The following GUCY2C variants were observed in gnomAD, a reference collection of about 807,000 sequenced individuals.
GUCY2C encodes guanylyl cyclase C.
In GUCY2C, 118 loss-of-function variants were observed where a neutral mutation model predicts 131.1. The ratio of observed to expected loss-of-function variants is 0.90; its 90% CI spans 0.78 to 1.05. The LOEUF (loss-of-function observed/expected upper bound fraction) is 1.05. GUCY2C is among the 50% of genes least tolerant of loss of function. The pLI is 0.00. For synonymous variants in GUCY2C, 452 were observed against 457.8 expected, an observed-to-expected ratio of 0.99 and a Z score of 0.16; for missense variants, 1,161 against 1,304.4, an observed-to-expected ratio of 0.89 and a Z score of 1.69.
chr12:14,633,602 T>G (rs1947199725), intron 19 of GUCY2C, among the ~76,000 whole-genome samples: 1 of 151,042 alleles, frequency 6.6e-6, no homozygotes, highest in Non-Finnish European at 1.5e-5. Flanking sequence ...GAAAAATAAT[T>G]AAAAATAATA....
chr12:14,680,411 T>A (rs1948326332), intron 5 of GUCY2C, among the ~76,000 whole-genome samples: 1 of 152,196 alleles, frequency 6.6e-6, no homozygotes, highest in Non-Finnish European at 1.5e-5. Context: ...AATTGTAAAC[T>A]CTTTAGGGAC....
At chr12:14,650,892 G>T (rs1178188576) in intron 15 of GUCY2C, among the ~76,000 whole-genome samples, 1 of 152,004 alleles carries the variant, frequency 6.6e-6, no homozygotes, top group Non-Finnish European at 1.5e-5. Flanking sequence ...AGTTTATACC[G>T]CATAGTATGA....
intron 16 of GUCY2C, among the ~76,000 whole-genome samples, chr12:14,644,932 T>C (rs954602427): frequency 1.3e-5 from 2 of 152,060 alleles, no homozygotes; most frequent in African/African-American, 4.8e-5. Context: ...TAGTTTTATA[T>C]GATTTTGATT....
Position 14,621,990 on chromosome 12 carries a change from A to G in GUCY2C, c.2601+15T>C. The G allele has an allele frequency of 6.4e-7, 1 of 1,557,432 alleles. No homozygotes were observed. Among genetic ancestry groups the G allele is most frequent in the East Asian group, 2.3e-5 (1 of 42,796 alleles). Reference sequence around the variant, plus strand: ...GTACAATTAATGGTTTCAGCCTGTTAGGTGATGTGGTTACCTTGTAGACAT... The same window carrying G: ...GTACAATTAATGGTTTCAGCCTGTTGGGTGATGTGGTTACCTTGTAGACAT... On this transcript the variant is annotated intron_variant, in intron 22 of 26. Transcript: ENST00000261170.
At chr12:14,641,056 G>A in intron 18 of GUCY2C, 26 bp downstream of exon 18, 1 of 1,609,892 alleles carries the variant, frequency 6.2e-7, no homozygotes, top group South Asian at 1.1e-5. Flanking sequence ...CTCCCAGAGG[G>A]GACACATGAA....
At chr12:14,626,749 C>T (rs1017421166) in intron 20 of GUCY2C, among the ~76,000 whole-genome samples, 3 of 152,100 alleles carry the variant, frequency 2.0e-5, no homozygotes, top group South Asian at 2.1e-4. Flanking sequence ...TATTATTAAG[C>T]GAAAAAGTCA....
intron 19 of GUCY2C, among the ~76,000 whole-genome samples, chr12:14,629,413 C>T (rs766120091): frequency 6.6e-6 from 1 of 152,068 alleles, no homozygotes; most frequent in Non-Finnish European, 1.5e-5. Flanking sequence ...TACTGAGGCT[C>T]CAGGAGAAGG....
chr12:14,683,343 T>C (rs1210379902), intron 3 of GUCY2C, 86 bp from the exon 4 acceptor site: 2 of 794,326 alleles, frequency 2.5e-6, no homozygotes, highest in Non-Finnish European at 4.3e-6. Context: ...TGTTTCAGCA[T>C]GTATGTATAA....
At position 14,686,183 on chromosome 12, in the gene GUCY2C, T is replaced by A; in HGVS notation, c.373A>T (p.Thr125Ser). The change falls in exon 3 of 27, where the codon ACA becomes TCA. Residue 125 changes from threonine to serine, a missense_variant. Transcript: ENST00000261170. The stretch of plus-strand genomic sequence containing the variant: ...TACTACATCTGGAAGGTGGAGTATG[T>A]ACATGAGGGCCCTATGAGGACACAG... ...MGCVLIGPSC[T>S]YSTFQMYLDT... The A allele has an allele frequency of 1.2e-6, 2 of 1,605,622 alleles. No homozygotes were observed. The highest frequency in any genetic ancestry group is 1.7e-6 in the Non-Finnish European group (2 of 1,172,310).
At chr12:14,683,521 G>A (rs184378351) in intron 3 of GUCY2C, among the ~76,000 whole-genome samples, 91 of 152,288 alleles carry the variant, frequency 6.0e-4, no homozygotes, top group South Asian at 2.7e-3. Context: ...TCTAAAGTGA[G>A]TCATCATGAT....
intron 15 of GUCY2C, among the ~76,000 whole-genome samples, chr12:14,645,641 A>G (rs978721947): frequency 2.0e-5 from 3 of 152,172 alleles, no homozygotes; most frequent in African/African-American, 7.2e-5. Context: ...TCTCATCTAA[A>G]TTGGACCCAT....
chr12:14,689,314 C>A (rs1448992091), intron 1 of GUCY2C, among the ~76,000 whole-genome samples: 1 of 152,064 alleles, frequency 6.6e-6, no homozygotes, highest in Admixed American at 6.6e-5. Context: ...CTCCTATTGA[C>A]CAAGATGAGA....
At chr12:14,624,706 A>G (rs1428985556) in intron 21 of GUCY2C, among the ~76,000 whole-genome samples, 1 of 152,344 alleles carries the variant, frequency 6.6e-6, no homozygotes, top group South Asian at 2.1e-4. Flanking sequence ...GCCATGGTGT[A>G]TTGTAGCTCT....
intron 12 of GUCY2C, 115 bp from the exon 13 acceptor site, chr12:14,653,129 C>A: frequency 1.2e-6 from 1 of 809,208 alleles, no homozygotes; most frequent in Non-Finnish European, 2.2e-6. Context: ...CAATAACATG[C>A]TGGGCAAGCA....
intron 19 of GUCY2C, among the ~76,000 whole-genome samples, chr12:14,639,660 C>A (rs1947353143): frequency 6.6e-6 from 1 of 152,176 alleles, no homozygotes; most frequent in African/African-American, 2.4e-5. Flanking sequence ...GAAATGTCAA[C>A]AGCCATCAGA....
Position 14,696,518 on chromosome 12 carries a change from A to G in GUCY2C, c.-70T>C. Reference sequence around the variant, plus strand: ...TGCTCTGTTGGGCTCCTAGGGAGGCAGGGAATCCAGATGGACAGCCTCTAG... The same window carrying G: ...TGCTCTGTTGGGCTCCTAGGGAGGCGGGGAATCCAGATGGACAGCCTCTAG... On this transcript the variant is annotated 5_prime_UTR_variant, in exon 1 of 27. Coordinates refer to ENST00000261170, the MANE Select transcript of GUCY2C (RefSeq NM_004963.4). 1 of 1,194,524 alleles carries G rather than the reference A, an allele frequency of 8.4e-7. No homozygotes were observed. The highest frequency in any genetic ancestry group is 1.3e-5 in the South Asian group (1 of 78,924). The allele number at this position is 1,194,524 out of a possible 1,614,324, so 74.0% of individuals were successfully genotyped here. A position where few individuals can be genotyped will look rare whatever the true frequency, so the allele number is the denominator to read the frequency against.
intron 19 of GUCY2C, among the ~76,000 whole-genome samples, chr12:14,634,011 AT>A (rs1947208935): frequency 6.6e-6 from 1 of 152,222 alleles, no homozygotes; most frequent in South Asian, 2.1e-4. Flanking sequence ...ATAGCAAGAG[AT>A]TTAGACATTC....
rs774813365 is a variant in GUCY2C, at chr12:14,656,556, T to C, written c.1426A>G (p.Ile476Val). ...KKWSHIPPENIFPLETNETNH... is the reference protein window; with the variant it reads ...KKWSHIPPENVFPLETNETNH... ...GTCTCATTGGTCTCCAGAGGAAAGA[T>C]ATTTTCAGGAGGAATGTGGGACCAT... Residue 476 changes from isoleucine (I) to valine (V), a missense_variant, in exon 12 of 27, where the codon ATC becomes GTC. Physicochemically the swap from Ile to Val is conservative, Grantham distance 29 (BLOSUM62 3). Coordinates refer to ENST00000261170, the MANE Select transcript of GUCY2C (RefSeq NM_004963.4). 2 of 1,604,884 alleles carry C rather than the reference T, an allele frequency of 1.2e-6. No individual in the cohort carries two copies. The highest frequency in any genetic ancestry group is 4.5e-5 in the East Asian group (2 of 44,850).
rs1313463383 is a variant in GUCY2C at position 14,613,860 on chromosome 12, GA to G, written c.3048-570del. On this transcript the variant is annotated intron_variant, in intron 26 of 26. Coordinates refer to ENST00000261170, the MANE Select transcript of GUCY2C (RefSeq NM_004963.4). This position sits in a 1 kb window ranked among gnomAD's most constrained non-coding sequence, Gnocchi z 4.9. ...TTTCTCAACCATAGCAAAAGCCAAG[GA>G]AATGGCCATATGGCTGCAGTAACAT... is the stretch of plus-strand genomic sequence containing the variant. 1.3e-5 allele frequency among the ~76,000 whole-genome samples: 2 copies of G among 152,092 alleles called. No individual in the cohort carries two copies. The highest frequency in any genetic ancestry group is 4.8e-5 in the African/African-American group (2 of 41,432).
Sources: allele counts gnomAD v4.1 joint callset (sites outside exome capture counted in the v4.1 genomes callset), GRCh38; gene constraint gnomAD v4.1.1; non-coding constraint Gnocchi (gnomAD v3.1); transcripts MANE v1.5; gene names NCBI Gene and HGNC (gene_info 2026-07-23, HGNC 2026-07-21).